Variants in NUP107 observed in about 807,000 individuals in gnomAD.
NUP107 encodes nuclear pore complex protein Nup107.
NUP107 carries 101 observed loss-of-function variants against 141.0 expected under a neutral mutation model. The ratio of observed to expected loss-of-function variants is 0.72; its 90% CI spans 0.61 to 0.84. The LOEUF (loss-of-function observed/expected upper bound fraction) is 0.84, where lower values mean the gene tolerates loss of function less well. Among genes scored for constraint, NUP107 ranks in the 40% least tolerant of loss-of-function variants. NUP107 has a pLI of 0.00. For synonymous variants in NUP107, 319 were observed against 363.9 expected, an observed-to-expected ratio of 0.88 and a Z score of 1.41; for missense variants, 941 against 1,102.7, an observed-to-expected ratio of 0.85 and a Z score of 2.08.
Position 68,687,076 on chromosome 12 carries a change from C to G in NUP107, c.8+3C>G. The G allele has an allele frequency of 6.2e-7, 1 of 1,614,152 alleles. No individual in the cohort carries two copies. The highest frequency in any genetic ancestry group is 1.1e-5 in the South Asian group (1 of 91,082). On this transcript the variant is annotated splice_donor_region_variant and intron_variant, in intron 1 of 27. Transcript: ENST00000229179. ...GAAAAGGCTTTAGCCATGGACAGGT[C>G]AGTACTGATGGTGGCAGCTGAGCCC...
chr12:68,707,383 G>C (rs1468332509), intron 8 of NUP107, among the ~76,000 whole-genome samples: 1 of 152,182 alleles, frequency 6.6e-6, no homozygotes, highest in Non-Finnish European at 1.5e-5. Context: ...GGAAGGCTCA[G>C]TTTAGCCCAG....
chr12:68,697,182 C>T (rs1466026198), intron 6 of NUP107, among the ~76,000 whole-genome samples: 1 of 152,134 alleles, frequency 6.6e-6, no homozygotes, highest in African/African-American at 2.4e-5. Context: ...AATCCCAATG[C>T]TTTGGGAGGC....
intron 5 of NUP107, among the ~76,000 whole-genome samples, chr12:68,694,181 G>A (rs1010578101): frequency 6.6e-6 from 1 of 152,138 alleles, no homozygotes; most frequent in African/African-American, 2.4e-5. Flanking sequence ...ACAGGTACTC[G>A]TATTAAGTGA....
At position 68,734,650 on chromosome 12, in the gene NUP107, C is replaced by T. The variant is rs558239682; in HGVS notation, c.2263-58C>T. On this transcript the variant is annotated intron_variant, in intron 24 of 27. Transcript: ENST00000229179. Reference sequence around the variant, plus strand: ...TCAAATGTTAAAAATGTTGGTGAAACGATAAAAGTGAAAACTTTTGTTATT... The same window carrying T: ...TCAAATGTTAAAAATGTTGGTGAAATGATAAAAGTGAAAACTTTTGTTATT... 253 of 1,304,752 alleles carry T rather than the reference C, an allele frequency of 1.9e-4. 1 individual carries two copies. The highest frequency in any genetic ancestry group is 2.4e-4 in the Middle Eastern group (1 of 4,204). 80.8% of individuals were successfully genotyped at this position (1,304,752 alleles called of 1,614,324 possible). A position where few individuals can be genotyped will look rare whatever the true frequency, so the allele number is the denominator to read the frequency against.
chr12:68,687,779 C>A, intron 1 of NUP107: 1 of 434,920 alleles, frequency 2.3e-6, no homozygotes, highest in Non-Finnish European at 3.1e-6. Context: ...CTTATTTAAT[C>A]TTCAGAACAA....
intron 8 of NUP107, chr12:68,707,077 C>A: frequency 7.0e-6 from 4 of 568,944 alleles, no homozygotes; most frequent in Non-Finnish European, 1.3e-5. Flanking sequence ...AGTGAACAGC[C>A]GTGACAGCCC....
At position 68,715,698 on chromosome 12, in the gene NUP107, C is replaced by G. The variant is rs750171319; in HGVS notation, c.1041C>G (p.Leu347=). 1.9e-6 allele frequency: 3 copies of G among 1,612,378 alleles called. No individual in the cohort carries two copies. The highest frequency in any genetic ancestry group is 2.2e-5 in the South Asian group (2 of 91,030). The change falls in exon 12 of 28, where the codon CTC becomes CTG. Residue 347 remains leucine (L), a synonymous_variant. Transcript: ENST00000229179. ...DLDREDEVRL[L]KYLFTLIRAG... is the part of the protein sequence containing the mutation. ...ATAGAGAAGATGAAGTTAGATTACT[C>G]AAATATCTCTTTACTCTAATCCGTG...
intron 26 of NUP107, among the ~76,000 whole-genome samples, chr12:68,736,696 C>T (rs1878081543): frequency 6.8e-6 from 1 of 146,148 alleles, no homozygotes; most frequent in Non-Finnish European, 1.5e-5. Flanking sequence ...CGATTACAGG[C>T]ATGAGTCAAT....
At chr12:68,720,977 A>G (rs1018852554) in intron 14 of NUP107, 141 bp from the exon 15 acceptor site, 1 of 498,704 alleles carries the variant, frequency 2.0e-6, no homozygotes, top group Admixed American at 3.8e-5. Flanking sequence ...TTATTACCCC[A>G]CTAGATCTTT....
At chr12:68,732,547 C>A in intron 22 of NUP107, 90 bp from the exon 23 acceptor site, 2 of 608,058 alleles carry the variant, frequency 3.3e-6, no homozygotes, top group Non-Finnish European at 5.5e-6. Context: ...ACTGGAAGTA[C>A]AGGTGTAAGT....
intron 20 of NUP107, among the ~76,000 whole-genome samples, chr12:68,729,008 G>T: frequency 6.6e-6 from 1 of 151,990 alleles, no homozygotes; most frequent in Non-Finnish European, 1.5e-5. Context: ...CTGGCACTTT[G>T]TATGGCTCCT....
chr12:68,727,620 A>G (rs1183920342), intron 20 of NUP107, among the ~76,000 whole-genome samples: 1 of 152,154 alleles, frequency 6.6e-6, no homozygotes, highest in African/African-American at 2.4e-5. Flanking sequence ...AAACCTAACT[A>G]CTGATACCCT....
Position 68,718,887 on chromosome 12 carries a change from TATG to T in NUP107, c.1084-453_1084-451del, listed in dbSNP as rs777767315. ...GTATGTATGTATGTATGTATGTATG[TATG>T]TATTTATTTAGTTTTTGAGACAGGG... On this transcript the variant is annotated intron_variant, in intron 12 of 27. Transcript: ENST00000229179. 6.7e-4 allele frequency among the ~76,000 whole-genome samples: 102 copies of T among 152,078 alleles called. 1 individual carries two copies. Among genetic ancestry groups the T allele is most frequent in the South Asian group, 3.9e-3 (19 of 4,826 alleles).
intron 3 of NUP107, 77 bp from the exon 4 acceptor site, chr12:68,690,554 T>A: frequency 6.3e-7 from 1 of 1,585,412 alleles, no homozygotes. Context: ...TTATTCTTCA[T>A]TGTTTGTTTG....
chr12:68,740,853 A>G (rs1378199303), intron 26 of NUP107, among the ~76,000 whole-genome samples: 1 of 151,994 alleles, frequency 6.6e-6, no homozygotes, highest in Admixed American at 6.6e-5. Context: ...GGGAGACCTC[A>G]TCTCTACAAA....
intron 7 of NUP107, among the ~76,000 whole-genome samples, chr12:68,702,075 G>A (rs1008605386): frequency 4.0e-5 from 6 of 150,962 alleles, no homozygotes; most frequent in Admixed American, 6.6e-5. Context: ...TGCAACCTCC[G>A]CCTCCCAGGT....
chr12:68,690,382 C>A, intron 3 of NUP107: 1 of 527,870 alleles, frequency 1.9e-6, no homozygotes, highest in Non-Finnish European at 3.4e-6. Context: ...CTCAGTTATT[C>A]TATAATGAAA....
Position 68,701,893 on chromosome 12 carries a change from TCCG to T in NUP107, c.681-840_681-838del, listed in dbSNP as rs1271985714. Among the ~76,000 whole-genome samples, 13 of 151,890 alleles carry T rather than the reference TCCG, an allele frequency of 8.6e-5. 1 individual carries two copies. Among genetic ancestry groups the T allele is most frequent in the South Asian group, 4.2e-4 (2 of 4,798 alleles). ...GGCACAACCTTGGCTCGCTGCAACC[TCCG>T]CCTCTGAGGTTCAAGGGATTCTCCT... On this transcript the variant is annotated intron_variant, in intron 7 of 27. Coordinates refer to ENST00000229179, the MANE Select transcript of NUP107 (RefSeq NM_020401.4).
intron 11 of NUP107, among the ~76,000 whole-genome samples, chr12:68,715,260 C>T (rs1344779065): frequency 1.3e-5 from 2 of 152,282 alleles, no homozygotes; most frequent in East Asian, 3.9e-4. Context: ...CTTTGGGTGG[C>T]CGAGGTGGGT....
Sources: gnomAD v4.1 joint callset for allele counts (sites outside exome capture counted in the v4.1 genomes callset) on GRCh38, gnomAD v4.1.1 for gene constraint, MANE v1.5 for transcripts, NCBI Gene and HGNC (gene_info 2026-07-23, HGNC 2026-07-21) for gene names.